SGF29: variants seen among roughly 807,000 people sequenced by gnomAD.
The protein encoded by SGF29 is SAGA-associated factor 29.
In SGF29, 15 loss-of-function variants were observed where a neutral mutation model predicts 38.1. The ratio of observed to expected loss-of-function variants is 0.39; its 90% CI spans 0.26 to 0.61. The LOEUF (loss-of-function observed/expected upper bound fraction) is 0.61, where lower values mean the gene tolerates loss of function less well. Ranked by LOEUF, SGF29 falls within the 20% of genes least tolerant of loss-of-function variation. The pLI is 0.49. For missense variants in SGF29, 184 were observed against 394.6 expected (o/e 0.47, Z 4.52); for synonymous variants, 151 against 160.8 (o/e 0.94, Z 0.46).
At chr16:28,589,298 G>A (rs941702039) in intron 5 of SGF29, 134 bp downstream of exon 5, 4 of 846,182 alleles carry the variant, frequency 4.7e-6, no homozygotes, top group Non-Finnish European at 7.7e-6. Context: ...CTGGCAGACT[G>A]GCTCTACCAC....
intron 1 of SGF29, among the ~76,000 whole-genome samples, chr16:28,557,786 C>T (rs1169881054): frequency 6.6e-6 from 1 of 152,088 alleles, no homozygotes; most frequent in Non-Finnish European, 1.5e-5. Context: ...GAGAAATCTC[C>T]ACACATTTGG....
chr16:28,576,544 T>C (rs1284841167), intron 1 of SGF29, among the ~76,000 whole-genome samples: 2 of 151,656 alleles, frequency 1.3e-5, no homozygotes, highest in African/African-American at 2.4e-5. Flanking sequence ...CTACTAAAAA[T>C]ACAAAAAGTA....
intron 1 of SGF29, among the ~76,000 whole-genome samples, chr16:28,570,981 T>C (rs764056924): frequency 1.3e-4 from 20 of 152,070 alleles, no homozygotes; most frequent in Non-Finnish European, 2.5e-4. Flanking sequence ...CTGAATGTAT[T>C]TTGCAAGTAA....
At position 28,590,008 on chromosome 16, in the gene SGF29, G is replaced by C. The variant is rs1448126276; in HGVS notation, c.290-88G>C. 3 of 1,490,060 alleles carry C rather than the reference G, an allele frequency of 2.0e-6. No individual in the cohort carries two copies. The highest frequency in any genetic ancestry group is 2.7e-6 in the Non-Finnish European group (3 of 1,119,328). The allele number at this position is 1,490,060 out of a possible 1,614,324, so 92.3% of individuals were successfully genotyped here. On this transcript the variant is annotated intron_variant, in intron 5 of 9. Coordinates refer to ENST00000317058, the MANE Select transcript of SGF29 (RefSeq NM_138414.3). The surrounding 1 kb of genome is among the most constrained non-coding windows in gnomAD (Gnocchi z 8.2). ...TCACTCGGGAACTGGGGGCTCCCAG[G>C]TGCTCCTTCAACAGCTCAGTGCAGC...
chr16:28,578,100 C>T (rs1051132003), intron 1 of SGF29, among the ~76,000 whole-genome samples: 6 of 151,660 alleles, frequency 4.0e-5, no homozygotes, highest in Non-Finnish European at 8.8e-5. Context: ...GTGATCCTCC[C>T]GCCTCAGCCT....
chr16:28,579,308 A>G (rs1596604456), intron 1 of SGF29, among the ~76,000 whole-genome samples: 1 of 130,776 alleles, frequency 7.6e-6, no homozygotes, highest in African/African-American at 3.0e-5. Flanking sequence ...GCCAGGCTGG[A>G]GTGCAGTGGC....
At chr16:28,588,262 T>C (rs1311071019) in intron 4 of SGF29, among the ~76,000 whole-genome samples, 1 of 152,180 alleles carries the variant, frequency 6.6e-6, no homozygotes, top group African/African-American at 2.4e-5. Flanking sequence ...TTCAAGGCCA[T>C]GCAGGGGTCT....
chr16:28,591,017 C>T, intron 9 of SGF29, 82 bp downstream of exon 9: 1 of 1,458,988 alleles, frequency 6.9e-7, no homozygotes, highest in South Asian at 1.4e-5. Flanking sequence ...CTCCCCACTC[C>T]TTCCCTTTGT....
chr16:28,585,572 T>G (rs1567292329), intron 3 of SGF29, 76 bp from the exon 4 acceptor site: 2 of 1,293,464 alleles, frequency 1.5e-6, no homozygotes, highest in Admixed American at 1.7e-5. Flanking sequence ...CGAGTGTGAT[T>G]CCGGTGCATG....
intron 1 of SGF29, among the ~76,000 whole-genome samples, chr16:28,554,589 C>T (rs193626): frequency 6.6e-6 from 1 of 151,920 alleles, no homozygotes; most frequent in Non-Finnish European, 1.5e-5. Context: ...GGAGTATAGG[C>T]GTGAGCCCCC....
At chr16:28,555,945 C>G (rs2046748230) in intron 1 of SGF29, among the ~76,000 whole-genome samples, 1 of 152,312 alleles carries the variant, frequency 6.6e-6, no homozygotes, top group East Asian at 1.9e-4. Context: ...TTAGAACTTG[C>G]AGCCTTGCAG....
chr16:28,591,481 G>A (rs552466448), intron 9 of SGF29, 109 bp from the exon 10 acceptor site: 1 of 770,348 alleles, frequency 1.3e-6, no homozygotes, highest in East Asian at 2.4e-5. Context: ...TGTTAGGAGT[G>A]GCTGAGAGTC....
At chr16:28,575,880 C>A (rs897983641) in intron 1 of SGF29, among the ~76,000 whole-genome samples, 1 of 152,114 alleles carries the variant, frequency 6.6e-6, no homozygotes, top group African/African-American at 2.4e-5. Flanking sequence ...CATGGTGGCT[C>A]ACACGTGTAA....
chr16:28,580,250 G>C (rs1279581016), intron 1 of SGF29, among the ~76,000 whole-genome samples: 1 of 152,130 alleles, frequency 6.6e-6, no homozygotes, highest in African/African-American at 2.4e-5. Flanking sequence ...GGGTGGAGGA[G>C]AATCCAAGGA....
In SGF29 at chr16:28,590,039, C is replaced by CG; in HGVS notation, c.290-52dup. Reference sequence around the variant, plus strand: ...CTTCAACAGCTCAGTGCAGCATGCTCGGGGGTCAAGGCCGGCACCTATCCC... The same window carrying CG: ...CTTCAACAGCTCAGTGCAGCATGCTCGGGGGGTCAAGGCCGGCACCTATCCC... On this transcript the variant is annotated intron_variant, in intron 5 of 9. Transcript: ENST00000317058. The surrounding 1 kb of genome is among the most constrained non-coding windows in gnomAD (Gnocchi z 8.2). 1 of 1,566,674 alleles carries CG rather than the reference C, an allele frequency of 6.4e-7. No homozygotes were observed. Among genetic ancestry groups the CG allele is most frequent in the South Asian group, 1.2e-5 (1 of 81,804 alleles).
chr16:28,564,777 A>ATACGTATATATATG (rs2046826044), intron 1 of SGF29, among the ~76,000 whole-genome samples: 2 of 87,026 alleles, frequency 2.3e-5, no homozygotes, highest in Non-Finnish European at 4.8e-5. Flanking sequence ...ATATATGTAT[A>ATACGTATATATATG]TATATATATA....
chr16:28,563,868 TC>T (rs1309723400), intron 1 of SGF29, among the ~76,000 whole-genome samples: 1 of 151,872 alleles, frequency 6.6e-6, no homozygotes, highest in East Asian at 1.9e-4. Context: ...CTGCAGGTGT[TC>T]CTGAGTAGCT....
At chr16:28,561,179 C>G (rs1399924831) in intron 1 of SGF29, among the ~76,000 whole-genome samples, 1 of 151,940 alleles carries the variant, frequency 6.6e-6, no homozygotes, top group African/African-American at 2.4e-5. Context: ...ATCGCCTGAG[C>G]CCAGGAGTTA....
chr16:28,584,923 C>G lies in SGF29; in HGVS notation c.86C>G (p.Ser29Trp), dbSNP rs143034336. Reference protein sequence around the residue: ...QLIKQTQEERSRSEHNLVNIQ... With the variant: ...QLIKQTQEERWRSEHNLVNIQ... Reference sequence around the variant, plus strand: ...CTCTTTTCCTTACAGGAAGAGCGTTCGCGGAGCGAACACAACTTAGTGAAC... The same window carrying G: ...CTCTTTTCCTTACAGGAAGAGCGTTGGCGGAGCGAACACAACTTAGTGAAC... Residue 29 changes from serine (S) to tryptophan (W), a missense_variant, in exon 3 of 10, where the codon TCG becomes TGG. By Grantham distance (177) the Ser-to-Trp change is radical (BLOSUM62 -3). Around this residue, in one of 2 missense-constraint regions of SGF29, gnomAD observed 77 missense variants for 117.7 expected, o/e 0.65. Transcript: ENST00000317058. The G allele has an allele frequency of 6.2e-7, 1 of 1,613,148 alleles. No individual in the cohort carries two copies. The highest frequency in any genetic ancestry group is 1.1e-5 in the South Asian group (1 of 91,048).
Sources: allele counts gnomAD v4.1 joint callset (sites outside exome capture counted in the v4.1 genomes callset), GRCh38; gene constraint gnomAD v4.1.1; regional missense constraint gnomAD v4.1.1; non-coding constraint Gnocchi (gnomAD v3.1); transcripts MANE v1.5; gene names NCBI Gene and HGNC (gene_info 2026-07-23, HGNC 2026-07-21).